DPP10: variants seen among roughly 807,000 people sequenced by gnomAD.
DPP10 encodes the protein inactive dipeptidyl peptidase 10.
DPP10 carries 33 observed loss-of-function variants against 120.9 expected under a neutral mutation model. The ratio of observed to expected loss-of-function variants is 0.27; its 90% CI spans 0.21 to 0.37. DPP10 has a LOEUF of 0.37. Ranked by LOEUF, DPP10 falls within the 10% of genes least tolerant of loss-of-function variation. The pLI is 1.00. For synonymous variants in DPP10, 337 were observed against 326.1 expected, an observed-to-expected ratio of 1.03 and a Z score of -0.36; for missense variants, 816 against 942.8, an observed-to-expected ratio of 0.87 and a Z score of 1.76.
intron 1 of DPP10, among the ~76,000 whole-genome samples, chr2:115,017,043 T>C (rs574763729): frequency 1.7e-5 from 2 of 118,364 alleles, no homozygotes; most frequent in South Asian, 6.1e-4. Flanking sequence ...AACATCACAC[T>C]CTGGGGACTG....
At chr2:115,337,685 AAAGAT>A (rs2063225255) in intron 2 of DPP10, among the ~76,000 whole-genome samples, 1 of 149,832 alleles carries the variant, frequency 6.7e-6, no homozygotes, top group African/African-American at 2.4e-5. Flanking sequence ...AAAAAAAAAA[AAAGAT>A]AGAGGATAGA....
At position 114,830,528 on chromosome 2, in the gene DPP10, T is replaced by C. The variant is rs149037902; in HGVS notation, c.60+387690T>C. Among the ~76,000 whole-genome samples, 1,053 of 152,312 alleles carry C rather than the reference T, an allele frequency of 6.9e-3. 11 individuals are homozygous for C. The highest frequency in any genetic ancestry group is 0.01 in the Non-Finnish European group (690 of 68,022). ...CTTCGCCTTTCTATTTATACACAACTTACATGTACGTAAATGTGCCTTCTC... is the reference window on the plus strand; with the variant it reads ...CTTCGCCTTTCTATTTATACACAACCTACATGTACGTAAATGTGCCTTCTC... On this transcript the variant is annotated intron_variant, in intron 1 of 25. Transcript: ENST00000410059.
intron 1 of DPP10, among the ~76,000 whole-genome samples, chr2:114,654,960 A>AT (rs1696864340): frequency 6.6e-6 from 1 of 152,122 alleles, no homozygotes; most frequent in African/African-American, 2.4e-5. Context: ...TTTGGGTTCC[A>AT]TTTTTTCCAA....
At chr2:114,906,435 T>C (rs1693970906) in intron 1 of DPP10, among the ~76,000 whole-genome samples, 1 of 152,022 alleles carries the variant, frequency 6.6e-6, no homozygotes, top group Non-Finnish European at 1.5e-5. Flanking sequence ...TCTTGTATTG[T>C]TCCTCATCTT....
At chr2:115,495,060 C>T (rs1558754552) in intron 3 of DPP10, among the ~76,000 whole-genome samples, 1 of 151,980 alleles carries the variant, frequency 6.6e-6, no homozygotes, top group Admixed American at 6.6e-5. Context: ...CAGCATAACC[C>T]GTTAAGCAAA....
chr2:114,812,190 C>T (rs1320505893), intron 1 of DPP10, among the ~76,000 whole-genome samples: 2 of 152,144 alleles, frequency 1.3e-5, no homozygotes, highest in African/African-American at 4.8e-5. Flanking sequence ...TTGTTATTTG[C>T]AGGAACCTAT....
intron 3 of DPP10, among the ~76,000 whole-genome samples, chr2:115,361,121 A>C (rs2064737487): frequency 6.6e-6 from 1 of 151,528 alleles, no homozygotes; most frequent in South Asian, 2.1e-4. Context: ...GATAGGCCAC[A>C]CCCTTCCTAG....
At chr2:115,052,505 A>C (rs2105349874) in intron 1 of DPP10, among the ~76,000 whole-genome samples, 1 of 152,348 alleles carries the variant, frequency 6.6e-6, no homozygotes, top group East Asian at 1.9e-4. Context: ...CAATTGAAAA[A>C]TCAGCAAGTG....
chr2:115,091,967 A>G (rs1709303225), intron 1 of DPP10, among the ~76,000 whole-genome samples: 1 of 152,186 alleles, frequency 6.6e-6, no homozygotes, highest in Non-Finnish European at 1.5e-5. Flanking sequence ...CAGGGATACT[A>G]TTACTACTAA....
chr2:115,462,425 T>C (rs2105083111), intron 3 of DPP10, among the ~76,000 whole-genome samples: 1 of 152,288 alleles, frequency 6.6e-6, no homozygotes, highest in South Asian at 2.1e-4. Context: ...TGTGAACTCC[T>C]AAAGTTTAAT....
intron 1 of DPP10, among the ~76,000 whole-genome samples, chr2:114,502,061 G>A (rs147916125): frequency 0.012 from 1,816 of 150,606 alleles, 40 homozygotes; most frequent in African/African-American, 0.04. Context: ...TTAGCCTCCC[G>A]AGTAGCTGGG....
intron 3 of DPP10, among the ~76,000 whole-genome samples, chr2:115,379,613 C>G (rs1205963829): frequency 1.3e-5 from 2 of 151,980 alleles, no homozygotes; most frequent in African/African-American, 2.4e-5. Flanking sequence ...TGTGTTTGCT[C>G]TTGCTTTTCT....
In DPP10 at chr2:115,177,762, T is replaced by TTTTG. The variant is rs57710013; in HGVS notation, c.61-131460_61-131457dup. Among the ~76,000 whole-genome samples the TTTTG allele has an allele frequency of 7.1e-3, 1,067 of 150,828 alleles. 5 individuals are homozygous for TTTTG. Among genetic ancestry groups the TTTTG allele is most frequent in the African/African-American group, 0.018 (725 of 41,022 alleles). On this transcript the variant is annotated intron_variant, in intron 1 of 25. Coordinates refer to ENST00000410059, the MANE Select transcript of DPP10 (RefSeq NM_020868.6). ...TGCTTTTGTTTTGTTTTGTTTTTGT[T>TTTTG]TTTGTTTGTTTGTTTGTTTGAGACA...
intron 1 of DPP10, among the ~76,000 whole-genome samples, chr2:114,658,172 C>T (rs575802142): frequency 6.6e-6 from 1 of 152,090 alleles, no homozygotes; most frequent in South Asian, 2.1e-4. Context: ...AAGGGGGTAA[C>T]AAGGCGTTCA....
At chr2:115,762,701 T>C in intron 12 of DPP10, 91 bp downstream of exon 12, 2 of 1,455,344 alleles carry the variant, frequency 1.4e-6, no homozygotes, top group Non-Finnish European at 1.9e-6. Flanking sequence ...AAAGTATGAG[T>C]TTAAGGCTTT....
intron 1 of DPP10, among the ~76,000 whole-genome samples, chr2:114,939,217 CTCA>C (rs1358574900): frequency 6.6e-6 from 1 of 151,968 alleles, no homozygotes; most frequent in African/African-American, 2.4e-5. Context: ...GATCTTCATC[CTCA>C]TCATCTTCAT....
At chr2:115,541,047 A>T (rs568158264) in intron 5 of DPP10, among the ~76,000 whole-genome samples, 31 of 152,004 alleles carry the variant, frequency 2.0e-4, no homozygotes, top group African/African-American at 7.2e-4. Flanking sequence ...CTTGTAAAAG[A>T]TACTGTGAAA....
intron 1 of DPP10, among the ~76,000 whole-genome samples, chr2:114,820,811 A>G (rs1252530725): frequency 6.6e-6 from 1 of 152,224 alleles, no homozygotes; most frequent in African/African-American, 2.4e-5. Context: ...ACTGGCGATG[A>G]GATTTGGGTG....
chr2:115,136,187 T>C (rs72837525), intron 1 of DPP10, among the ~76,000 whole-genome samples: 12,992 of 151,868 alleles, frequency 0.086, 807 homozygotes, highest in Non-Finnish European at 0.12. Context: ...AACATGTAAA[T>C]AGCAATTATT....
Sources: gnomAD v4.1 joint callset for allele counts (sites outside exome capture counted in the v4.1 genomes callset) on GRCh38, gnomAD v4.1.1 for gene constraint, MANE v1.5 for transcripts, NCBI Gene and HGNC (gene_info 2026-07-23, HGNC 2026-07-21) for gene names.